ATF6: variants seen among roughly 807,000 people sequenced by gnomAD.
ATF6 encodes activating transcription factor 6.
ATF6 carries 53 observed loss-of-function variants against 83.6 expected under a neutral mutation model. That is an observed-to-expected ratio of 0.63 (90% CI 0.51 to 0.80). ATF6 has a LOEUF of 0.80. ATF6 is among the 30% of genes least tolerant of loss of function. ATF6 has a pLI of 0.00. For synonymous variants in ATF6, 288 were observed against 285.8 expected, an observed-to-expected ratio of 1.01 and a Z score of -0.08; for missense variants, 744 against 797.9, an observed-to-expected ratio of 0.93 and a Z score of 0.81.
chr1:161,853,764 A>T (rs1271990784), intron 12 of ATF6, among the ~76,000 whole-genome samples: 2 of 152,188 alleles, frequency 1.3e-5, no homozygotes, highest in Admixed American at 6.5e-5. Flanking sequence ...CTATGGTTTA[A>T]TGACAGGTCT....
intron 13 of ATF6, 118 bp downstream of exon 13, chr1:161,860,395 G>A: frequency 2.6e-6 from 1 of 382,166 alleles, no homozygotes; most frequent in Non-Finnish European, 4.7e-6. Flanking sequence ...TTTTATATTA[G>A]TCATATACTC....
intron 15 of ATF6, among the ~76,000 whole-genome samples, chr1:161,949,893 A>G (rs1257482565): frequency 2.0e-5 from 3 of 152,130 alleles, no homozygotes. Flanking sequence ...CAAATATCCA[A>G]ATCATAGCAG....
chr1:161,802,555 T>A (rs1228162011), intron 7 of ATF6, among the ~76,000 whole-genome samples: 1 of 152,142 alleles, frequency 6.6e-6, no homozygotes, highest in Non-Finnish European at 1.5e-5. Flanking sequence ...CCAACCCTCT[T>A]ATTATTCTCT....
At chr1:161,841,798 T>G (rs1006311) in intron 9 of ATF6, among the ~76,000 whole-genome samples, 21,587 of 152,184 alleles carry the variant, frequency 0.14, 2,095 homozygotes, top group East Asian at 0.31. Context: ...AGTGGGCACT[T>G]GGAAAAATAG....
rs1470621226 is a variant in ATF6 at position 161,879,162 on chromosome 1, G to T, written c.1719+15850G>T. The stretch of plus-strand genomic sequence containing the variant: ...ACCTTAGGTTCCAGGAAGATAAAGA[G>T]AAGACACTTCTAACAGTTTCTGTTT... On this transcript the variant is annotated intron_variant, in intron 14 of 15. Transcript: ENST00000367942. Among the ~76,000 whole-genome samples the T allele has an allele frequency of 1.5e-4, 23 of 152,082 alleles. 1 individual carries two copies. Among genetic ancestry groups the T allele is most frequent in the Admixed American group, 1.4e-3 (22 of 15,250 alleles).
chr1:161,842,591 T>A (rs555804408), intron 9 of ATF6, among the ~76,000 whole-genome samples: 5 of 152,142 alleles, frequency 3.3e-5, no homozygotes, highest in African/African-American at 4.8e-5. Context: ...GAGACTATTC[T>A]AAGTGAAGTA....
At chr1:161,832,882 C>T (rs966556385) in intron 9 of ATF6, among the ~76,000 whole-genome samples, 18 of 152,218 alleles carry the variant, frequency 1.2e-4, no homozygotes, top group African/African-American at 4.1e-4. Context: ...TTAAATGTCC[C>T]TGTCTGACAG....
At chr1:161,847,076 G>A (rs140619314) in intron 10 of ATF6, among the ~76,000 whole-genome samples, 31 of 152,106 alleles carry the variant, frequency 2.0e-4, no homozygotes, top group African/African-American at 7.5e-4. Context: ...TTTCCATATT[G>A]CTTGTCAATA....
chr1:161,779,902 T>C (rs1433049694), intron 2 of ATF6, among the ~76,000 whole-genome samples: 2 of 152,042 alleles, frequency 1.3e-5, no homozygotes, highest in Non-Finnish European at 2.9e-5. Flanking sequence ...CACGCCTGGC[T>C]AATTTTTGTA....
chr1:161,852,887 G>A (rs985731293), intron 11 of ATF6, among the ~76,000 whole-genome samples: 3 of 152,192 alleles, frequency 2.0e-5, no homozygotes, highest in Non-Finnish European at 4.4e-5. Flanking sequence ...CAAAGTGCTA[G>A]GATTACAGGT....
chr1:161,960,595 T>G lies in ATF6; in HGVS notation c.*1941T>G, dbSNP rs1689076936. The G allele has an allele frequency of 6.6e-6, 1 of 152,264 alleles. No homozygotes were observed. The highest frequency in any genetic ancestry group is 1.5e-5 in the Non-Finnish European group (1 of 68,056). 9.4% of individuals were successfully genotyped at this position (152,264 alleles called of 1,614,324 possible). On this transcript the variant is annotated 3_prime_UTR_variant, in exon 16 of 16. Coordinates refer to ENST00000367942, the MANE Select transcript of ATF6 (RefSeq NM_007348.4). ...GCGGGGAAAAGCAGGGCTTTATTGT[T>G]GTGTTACCTGGGAGTCTGGAGTTTG...
At chr1:161,832,849 A>G (rs889002165) in intron 9 of ATF6, among the ~76,000 whole-genome samples, 27 of 152,244 alleles carry the variant, frequency 1.8e-4, no homozygotes, top group African/African-American at 6.3e-4. Flanking sequence ...GACAAACAAA[A>G]GACAGCAATA....
intron 9 of ATF6, among the ~76,000 whole-genome samples, chr1:161,836,649 ACCTATCAAGTGCAGAG>A (rs1311629189): frequency 7.2e-5 from 11 of 152,302 alleles, no homozygotes; most frequent in Admixed American, 1.3e-4. Flanking sequence ...ATGTCTTAGA[ACCTATCAAGTGCAGAG>A]CTGGGTTTTG....
chr1:161,944,573 ATTCT>A (rs1218627335), intron 15 of ATF6, among the ~76,000 whole-genome samples: 2 of 152,096 alleles, frequency 1.3e-5, no homozygotes, highest in African/African-American at 4.8e-5. Flanking sequence ...CGTCTGTTTG[ATTCT>A]TTCCCCTACA....
chr1:161,780,709 G>C (rs930437205), intron 2 of ATF6, among the ~76,000 whole-genome samples: 13 of 150,868 alleles, frequency 8.6e-5, no homozygotes, highest in Admixed American at 5.3e-4. Context: ...TGTTGTTGTT[G>C]TTGTTTTGTT....
rs59848309 is a variant in ATF6 at position 161,894,702 on chromosome 1, A to ATTTTTTTTTTT, written c.1720-17583_1720-17573dup. On this transcript the variant is annotated intron_variant, in intron 14 of 15. Transcript: ENST00000367942. ...AGGCGCCCACCACTAAGCCGGGCTAATTTTTTTTTTTTTTTTTTTTTGTAT... is the reference window on the plus strand; with the variant it reads ...AGGCGCCCACCACTAAGCCGGGCTAATTTTTTTTTTTTTTTTTTTTTTTTTTTTTTTTGTAT... Among the ~76,000 whole-genome samples the ATTTTTTTTTTT allele has an allele frequency of 8.2e-5, 9 of 109,166 alleles. No homozygotes were observed. In the East Asian group the frequency reaches 1.8e-3, roughly 22 times the overall value. 71.6% of individuals were successfully genotyped at this position (109,166 alleles called of 152,430 possible).
At position 161,851,730 on chromosome 1, in the gene ATF6, AT is replaced by A; in HGVS notation, c.1330del (p.Ser444LeufsTer8). 5 of 1,612,716 alleles carry A rather than the reference AT, an allele frequency of 3.1e-6. No homozygotes were observed. Among genetic ancestry groups the A allele is most frequent in the Non-Finnish European group, 4.2e-6 (5 of 1,178,950 alleles). ...GTGCATCCATGTTTCAGATATGATC[AT>A]TCTGTTTCAAATGACAAAGCCCTGA... ...IIQKNSYRYD[H>X]SVSNDKALMV... On this transcript the variant is annotated frameshift_variant, in exon 11 of 16. Transcript: ENST00000367942. LOFTEE classifies it high-confidence loss of function.
intron 14 of ATF6, among the ~76,000 whole-genome samples, chr1:161,875,827 A>G (rs1558006459): frequency 6.6e-6 from 1 of 151,862 alleles, no homozygotes; most frequent in Non-Finnish European, 1.5e-5. Flanking sequence ...CTTTATGTGT[A>G]TTTCCCATTT....
rs1379407031 is a variant in ATF6, at chr1:161,766,401, C to CT, written c.45dup (p.Ser16Ter). ...GGGGTTGCCGGCACCATGGAGTCAC[C>CT]TTTTAGCCCGGGACTCTTTCACAGG... On this transcript the variant is annotated frameshift_variant, in exon 1 of 16. Coordinates refer to ENST00000367942, the MANE Select transcript of ATF6 (RefSeq NM_007348.4). LOFTEE classifies it high-confidence loss of function. 1.2e-6 allele frequency: 2 copies of CT among 1,613,478 alleles called. No individual in the cohort carries two copies. The highest frequency in any genetic ancestry group is 2.7e-5 in the African/African-American group (2 of 74,914).
Sources: allele counts gnomAD v4.1 joint callset (sites outside exome capture counted in the v4.1 genomes callset), GRCh38; gene constraint gnomAD v4.1.1; transcripts MANE v1.5; gene names NCBI Gene and HGNC (gene_info 2026-07-23, HGNC 2026-07-21).